The following FRMD5 variants were observed in gnomAD, a reference collection of about 807,000 sequenced individuals.
FRMD5 encodes FERM domain-containing protein 5.
FRMD5 carries 20 observed loss-of-function variants against 69.0 expected under a neutral mutation model. The ratio of observed to expected loss-of-function variants is 0.29; its 90% CI spans 0.20 to 0.42. The LOEUF (loss-of-function observed/expected upper bound fraction) is 0.42. Ranked by LOEUF, FRMD5 falls within the 10% of genes least tolerant of loss-of-function variation. FRMD5 has a pLI of 1.00. For missense variants in FRMD5, 595 were observed against 708.6 expected (o/e 0.84, Z 1.82); for synonymous variants, 271 against 260.1 (o/e 1.04, Z -0.40).
intron 1 of FRMD5, among the ~76,000 whole-genome samples, chr15:44,096,403 CT>C (rs751057566): frequency 0.016 from 2,044 of 130,716 alleles, 14 homozygotes; most frequent in Middle Eastern, 0.027. Context: ...TACGGTGTAT[CT>C]TTTTTTTTTT....
intron 1 of FRMD5, among the ~76,000 whole-genome samples, chr15:44,187,557 G>A (rs2078122572): frequency 7.4e-6 from 1 of 135,342 alleles, no homozygotes; most frequent in Non-Finnish European, 1.5e-5. Context: ...TGCCATTTTT[G>A]CTTTTGGCAA....
chr15:43,901,845 A>G (rs112314654), intron 7 of FRMD5: 11,547 of 292,476 alleles, frequency 0.039, 1,009 homozygotes, highest in African/African-American at 0.21. Flanking sequence ...GTGGGCAGGC[A>G]CTGAGCCGCC....
chr15:43,942,934 A>AT (rs1421291156), intron 1 of FRMD5, among the ~76,000 whole-genome samples: 3 of 152,090 alleles, frequency 2.0e-5, no homozygotes, highest in Non-Finnish European at 2.9e-5. Context: ...TAATTATTGT[A>AT]TTTTTTGTAG....
rs559463667 is a variant in FRMD5, at chr15:43,990,227, G to A, written c.103-65918C>T. 7.1e-5 allele frequency: 30 copies of A among 422,602 alleles called. No homozygotes were observed. In the East Asian group the frequency reaches 1.6e-3, roughly 22 times the overall value. 26.2% of individuals were successfully genotyped at this position (422,602 alleles called of 1,614,324 possible). The stretch of plus-strand genomic sequence containing the variant: ...TGTGGACGGGTGGCAGAGAGGCGAG[G>A]GCAAGGCTCTGTGCTCGCAGGGTGG... On this transcript the variant is annotated intron_variant, in intron 1 of 13. Coordinates refer to ENST00000417257, the MANE Select transcript of FRMD5 (RefSeq NM_032892.5).
rs2088592810 is a variant in FRMD5, at chr15:43,883,725, A to G, written c.1113T>C (p.Ala371=). The change falls in exon 13 of 14, where the codon GCT becomes GCC. Residue 371 remains alanine, a synonymous_variant. Coordinates refer to ENST00000417257, the MANE Select transcript of FRMD5 (RefSeq NM_032892.5). ...LSSVPRTRRR[A]VHISIMEGLE... The stretch of plus-strand genomic sequence containing the variant: ...CACCTTCCATGATGGAGATGTGAAC[A>G]GCTCTTCTGCGGGTCCTGGGGACGC... The G allele has an allele frequency of 6.2e-7, 1 of 1,612,884 alleles. No individual in the cohort carries two copies. The highest frequency in any genetic ancestry group is 8.5e-7 in the Non-Finnish European group (1 of 1,179,460).
chr15:43,972,707 T>C (rs757647216), intron 1 of FRMD5, among the ~76,000 whole-genome samples: 8 of 152,182 alleles, frequency 5.3e-5, no homozygotes, highest in Non-Finnish European at 8.8e-5. Flanking sequence ...AGCCTCCACG[T>C]GCATGACAGA....
intron 1 of FRMD5, among the ~76,000 whole-genome samples, chr15:44,090,388 T>G (rs918541307): frequency 2.6e-5 from 4 of 151,938 alleles, no homozygotes; most frequent in Non-Finnish European, 5.9e-5. Flanking sequence ...ATTTTAAAAT[T>G]AAAGATAAAA....
chr15:44,035,875 T>C (rs1442071285), intron 1 of FRMD5, among the ~76,000 whole-genome samples: 2 of 152,176 alleles, frequency 1.3e-5, no homozygotes, highest in Non-Finnish European at 2.9e-5. Context: ...GTACTTTGTA[T>C]TCATCAGCTG....
At chr15:44,112,772 T>C (rs982254011) in intron 1 of FRMD5, among the ~76,000 whole-genome samples, 1 of 152,012 alleles carries the variant, frequency 6.6e-6, no homozygotes, top group African/African-American at 2.4e-5. Context: ...CTGGCCTGTA[T>C]TTTTAGTAGA....
chr15:44,001,639 C>G (rs964404565), intron 1 of FRMD5, among the ~76,000 whole-genome samples: 23 of 148,368 alleles, frequency 1.6e-4, no homozygotes, highest in African/African-American at 5.7e-4. Flanking sequence ...ACAAAAATCA[C>G]TTTGTCATTC....
chr15:43,887,488 CT>C (rs2088691463), intron 10 of FRMD5, among the ~76,000 whole-genome samples: 1 of 152,212 alleles, frequency 6.6e-6, no homozygotes, highest in Non-Finnish European at 1.5e-5. Context: ...AGAAGAAAGG[CT>C]GCCGATTCAG....
intron 1 of FRMD5, among the ~76,000 whole-genome samples, chr15:43,991,220 A>C (rs1201337571): frequency 1.3e-5 from 2 of 152,176 alleles, no homozygotes; most frequent in African/African-American, 4.8e-5. Flanking sequence ...ACTGTACTTA[A>C]ATTGTTCTTT....
chr15:44,154,113 G>A (rs1417349926), intron 1 of FRMD5, among the ~76,000 whole-genome samples: 1 of 152,210 alleles, frequency 6.6e-6, no homozygotes, highest in African/African-American at 2.4e-5. Flanking sequence ...CTTAAGCCCA[G>A]GAGTTGGAGT....
intron 1 of FRMD5, among the ~76,000 whole-genome samples, chr15:44,030,376 T>C (rs540282312): frequency 6.6e-6 from 1 of 152,264 alleles, no homozygotes; most frequent in African/African-American, 2.4e-5. Flanking sequence ...TGTTTGTTTA[T>C]TTTTGTATTT....
intron 1 of FRMD5, among the ~76,000 whole-genome samples, chr15:44,172,321 CCAGGCTGG>C (rs2077820001): frequency 6.6e-6 from 1 of 150,534 alleles, no homozygotes; most frequent in Non-Finnish European, 1.5e-5. Flanking sequence ...GCCATGTTGC[CCAGGCTGG>C]TCTCAAACTC....
intron 1 of FRMD5, among the ~76,000 whole-genome samples, chr15:44,107,886 A>G (rs1248308199): frequency 6.6e-6 from 1 of 152,242 alleles, no homozygotes; most frequent in Non-Finnish European, 1.5e-5. Flanking sequence ...AACAAAAGCC[A>G]CAGAAATATG....
chr15:43,903,580 T>C (rs1019593140), intron 6 of FRMD5, among the ~76,000 whole-genome samples: 1 of 152,192 alleles, frequency 6.6e-6, no homozygotes, highest in Non-Finnish European at 1.5e-5. Flanking sequence ...AAGGGGGTAT[T>C]GCTGTGAATA....
At chr15:44,002,837 G>A (rs1046682855) in intron 1 of FRMD5, among the ~76,000 whole-genome samples, 9 of 152,106 alleles carry the variant, frequency 5.9e-5, no homozygotes, top group African/African-American at 2.2e-4. Flanking sequence ...GGCAGAAACT[G>A]GGCATAAGAC....
At chr15:44,174,497 A>T (rs2077859293) in intron 1 of FRMD5, among the ~76,000 whole-genome samples, 1 of 152,204 alleles carries the variant, frequency 6.6e-6, no homozygotes, top group Non-Finnish European at 1.5e-5. Context: ...CATTACACAG[A>T]AACCAAGCAC....
Sources: gnomAD v4.1 joint callset for allele counts (sites outside exome capture counted in the v4.1 genomes callset) on GRCh38, gnomAD v4.1.1 for gene constraint, MANE v1.5 for transcripts, NCBI Gene and HGNC (gene_info 2026-07-23, HGNC 2026-07-21) for gene names.